The following MYT1L variants were observed in gnomAD, a reference collection of about 807,000 sequenced individuals.
The protein encoded by MYT1L is myelin transcription factor 1-like protein.
In MYT1L, 12 loss-of-function variants were observed where a neutral mutation model predicts 126.7. That is an observed-to-expected ratio of 0.09 (90% CI 0.06 to 0.15). The LOEUF is 0.15. MYT1L is among the 10% of genes least tolerant of loss of function. The pLI is 1.00. For missense variants in MYT1L, 979 were observed against 1,585.2 expected (o/e 0.62, Z 6.49); for synonymous variants, 541 against 604.2 (o/e 0.90, Z 1.53).
rs574534507 is a variant in MYT1L, at chr2:2,012,727, C to G, written c.-157-15380G>C. Among the ~76,000 whole-genome samples, 3 of 152,274 alleles carry G rather than the reference C, an allele frequency of 2.0e-5. No individual in the cohort carries two copies. The South Asian group carries it at 6.2e-4, about 32-fold the overall frequency. On this transcript the variant is annotated intron_variant, in intron 4 of 24. Transcript: ENST00000647738. ...CCATCTGGCTGGGACATGAATCATTCCTTTGTCCAGTGCGTCCGTCCACAC... is the reference window on the plus strand; with the variant it reads ...CCATCTGGCTGGGACATGAATCATTGCTTTGTCCAGTGCGTCCGTCCACAC...
At chr2:1,972,645 C>T (rs1220727337) in intron 8 of MYT1L, among the ~76,000 whole-genome samples, 2 of 152,174 alleles carry the variant, frequency 1.3e-5, no homozygotes, top group African/African-American at 2.4e-5. Flanking sequence ...CCAAATGAGG[C>T]GTGCATACAT....
At chr2:1,831,023 C>G (rs1480418875) in intron 21 of MYT1L, among the ~76,000 whole-genome samples, 1 of 152,200 alleles carries the variant, frequency 6.6e-6, no homozygotes, top group African/African-American at 2.4e-5. Flanking sequence ...CTCCAGTGGC[C>G]AACACGTGGT....
At chr2:1,820,496 C>T (rs1010210935) in intron 21 of MYT1L, among the ~76,000 whole-genome samples, 11 of 152,110 alleles carry the variant, frequency 7.2e-5, no homozygotes, top group African/African-American at 2.2e-4. Flanking sequence ...AGTGTTGCTG[C>T]GAAGGTATTT....
intron 18 of MYT1L, among the ~76,000 whole-genome samples, chr2:1,856,530 T>C (rs945580814): frequency 2.0e-5 from 3 of 152,176 alleles, no homozygotes; most frequent in East Asian, 1.9e-4. Flanking sequence ...CATAAACCCA[T>C]TGCTGTGCGG....
chr2:2,158,618 A>AACACACACAC (rs74164556), intron 3 of MYT1L, among the ~76,000 whole-genome samples: 68 of 144,380 alleles, frequency 4.7e-4, no homozygotes, highest in African/African-American at 6.1e-4. Context: ...CCATGGCATA[A>AACACACACAC]ACACACACAC....
chr2:2,166,629 G>A (rs1369262187), intron 3 of MYT1L, among the ~76,000 whole-genome samples: 1 of 152,138 alleles, frequency 6.6e-6, no homozygotes, highest in Non-Finnish European at 1.5e-5. Context: ...GGATACATTA[G>A]ATTGGTTATG....
intron 3 of MYT1L, among the ~76,000 whole-genome samples, chr2:2,149,805 G>A (rs2085456400): frequency 6.6e-6 from 1 of 151,414 alleles, no homozygotes; most frequent in South Asian, 2.1e-4. Context: ...ATTTCAGGCT[G>A]CAGACAAGTT....
At chr2:2,164,416 G>A (rs2088643638) in intron 3 of MYT1L, among the ~76,000 whole-genome samples, 1 of 152,122 alleles carries the variant, frequency 6.6e-6, no homozygotes, top group Non-Finnish European at 1.5e-5. Context: ...GTTTGGATGA[G>A]GGTGGCTTGC....
intron 23 of MYT1L, among the ~76,000 whole-genome samples, chr2:1,794,026 G>T (rs114844152): frequency 6.6e-6 from 1 of 152,206 alleles, no homozygotes; most frequent in East Asian, 1.9e-4. Context: ...GTAAGCAGAC[G>T]TAGGTTTTCT....
chr2:1,936,383 C>G (rs2055887864), intron 9 of MYT1L, among the ~76,000 whole-genome samples: 1 of 152,190 alleles, frequency 6.6e-6, no homozygotes, highest in South Asian at 2.1e-4. Context: ...CATATATTGA[C>G]ACCTAAAAAT....
chr2:2,064,968 T>C (rs1217931946), intron 3 of MYT1L, among the ~76,000 whole-genome samples: 1 of 152,082 alleles, frequency 6.6e-6, no homozygotes, highest in Non-Finnish European at 1.5e-5. Flanking sequence ...AGAGGCTAAG[T>C]TGGGAAGATC....
chr2:2,104,850 A>G (rs1215823313), intron 3 of MYT1L, among the ~76,000 whole-genome samples: 1 of 152,160 alleles, frequency 6.6e-6, no homozygotes, highest in East Asian at 1.9e-4. Flanking sequence ...GCTGCTAGAA[A>G]GACTCCTGTT....
At chr2:2,167,640 C>T (rs902864174) in intron 3 of MYT1L, among the ~76,000 whole-genome samples, 2 of 152,240 alleles carry the variant, frequency 1.3e-5, no homozygotes, top group African/African-American at 4.8e-5. Flanking sequence ...TTTCCTGATG[C>T]TGTTACCACA....
chr2:2,229,417 A>G (rs2094105682), intron 2 of MYT1L, among the ~76,000 whole-genome samples: 1 of 151,970 alleles, frequency 6.6e-6, no homozygotes, highest in Non-Finnish European at 1.5e-5. Flanking sequence ...ACACTTATAA[A>G]GATAGTCTCA....
chr2:2,314,676 C>A (rs1029706461), intron 1 of MYT1L, among the ~76,000 whole-genome samples: 7 of 152,122 alleles, frequency 4.6e-5, no homozygotes, highest in Non-Finnish European at 8.8e-5. Context: ...GTATTAAGCT[C>A]CACATGTATT....
intron 21 of MYT1L, chr2:1,824,362 G>A (rs1225333968): frequency 1.3e-5 from 2 of 152,276 alleles, no homozygotes; most frequent in Admixed American, 6.5e-5. Flanking sequence ...TGCCTTCCTG[G>A]AATGTTCCCT....
Position 2,279,572 on chromosome 2 carries a change from G to GAAA in MYT1L, c.-421+4831_-421+4832insTTT, listed in dbSNP as rs1559535958. ...AAGAGAGAAGGAATGAATGAATGAA[G>GAAA]GAAGGAAGGAAGGAAGGAAGGAAGG... On this transcript the variant is annotated intron_variant, in intron 2 of 24. Coordinates refer to ENST00000647738, the MANE Select transcript of MYT1L (RefSeq NM_001303052.2). Among the ~76,000 whole-genome samples, 49 of 120,852 alleles carry GAAA rather than the reference G, an allele frequency of 4.1e-4. 1 individual carries two copies. The highest frequency in any genetic ancestry group is 1.6e-3 in the African/African-American group (46 of 29,280). The allele number at this position is 120,852 out of a possible 152,430, so 79.3% of individuals were successfully genotyped here. A position where few individuals can be genotyped will look rare whatever the true frequency, so the allele number is the denominator to read the frequency against.
chr2:1,814,374 G>A (rs985673169), intron 21 of MYT1L, among the ~76,000 whole-genome samples: 2 of 152,188 alleles, frequency 1.3e-5, no homozygotes, highest in Non-Finnish European at 2.9e-5. Context: ...CCTGCGCCCT[G>A]GAGCGCAGCC....
rs2070097913 is a variant in MYT1L, at chr2:2,059,463, G to A, written c.-303-5340C>T. On this transcript the variant is annotated intron_variant, in intron 3 of 24. Coordinates refer to ENST00000647738, the MANE Select transcript of MYT1L (RefSeq NM_001303052.2). This position sits in a 1 kb window ranked among gnomAD's most constrained non-coding sequence, Gnocchi z 4.7. ...TCTCACTTTCCGTTTGTGTTGATGAGCAGAGCCCCCTGGAACCAGGTGCAT... is the reference window on the plus strand; with the variant it reads ...TCTCACTTTCCGTTTGTGTTGATGAACAGAGCCCCCTGGAACCAGGTGCAT... Among the ~76,000 whole-genome samples the A allele has an allele frequency of 6.6e-6, 1 of 151,990 alleles. No homozygotes were observed. Among genetic ancestry groups the A allele is most frequent in the Admixed American group, 6.5e-5 (1 of 15,280 alleles).
Sources: allele counts gnomAD v4.1 joint callset (sites outside exome capture counted in the v4.1 genomes callset), GRCh38; gene constraint gnomAD v4.1.1; non-coding constraint Gnocchi (gnomAD v3.1); transcripts MANE v1.5; gene names NCBI Gene and HGNC (gene_info 2026-07-23, HGNC 2026-07-21).